Variants in RAP1GAP2 observed in about 807,000 individuals in gnomAD.
RAP1GAP2 encodes RAP1 GTPase activating protein 2, also known as rap1 GTPase-activating protein 2.
In RAP1GAP2, 27 loss-of-function variants were observed where a neutral mutation model predicts 95.0. The observed-to-expected ratio is 0.28, with a 90% CI of 0.21 to 0.39. The LOEUF is 0.39. Among genes scored for constraint, RAP1GAP2 ranks in the 10% least tolerant of loss-of-function variants. The probability of loss-of-function intolerance (pLI) is 1.00; values close to 1 mark genes in which losing one functional copy is unlikely to be tolerated. For missense variants in RAP1GAP2, 771 were observed against 970.0 expected, an observed-to-expected ratio of 0.79 and a Z score of 2.72; for synonymous variants, 373 against 380.9, an observed-to-expected ratio of 0.98 and a Z score of 0.24.
chr17:2,803,766 C>T (rs1367318616), intron 2 of RAP1GAP2, among the ~76,000 whole-genome samples: 1 of 152,130 alleles, frequency 6.6e-6, no homozygotes, highest in Admixed American at 6.5e-5. Flanking sequence ...GTAGCCCCGG[C>T]TACTTGGGAG....
intron 2 of RAP1GAP2, among the ~76,000 whole-genome samples, chr17:2,846,049 A>G (rs532875483): frequency 6.6e-6 from 1 of 150,918 alleles, no homozygotes; most frequent in East Asian, 2.0e-4. Context: ...CGAGCGTGGT[A>G]TTGGGAGCCT....
chr17:2,763,323 A>T (rs1300629329), intron 1 of RAP1GAP2, among the ~76,000 whole-genome samples: 2 of 152,180 alleles, frequency 1.3e-5, no homozygotes, highest in Non-Finnish European at 2.9e-5. Context: ...TGGATCAGAT[A>T]CAGCCTTTGT....
chr17:2,913,195 A>AAAAG (rs138628231), intron 3 of RAP1GAP2, among the ~76,000 whole-genome samples: 16,669 of 151,980 alleles, frequency 0.11, 1,644 homozygotes, highest in East Asian at 0.35. Context: ...AAGAAAAAGA[A>AAAAG]AACATGAAGA....
At chr17:2,950,903 G>C (rs557493385) in intron 3 of RAP1GAP2, among the ~76,000 whole-genome samples, 1 of 151,916 alleles carries the variant, frequency 6.6e-6, no homozygotes. Context: ...GAGCCACCGC[G>C]CCCGGCCTGC....
chr17:2,843,361 C>T (rs2071448346), intron 2 of RAP1GAP2, among the ~76,000 whole-genome samples: 5 of 151,694 alleles, frequency 3.3e-5, no homozygotes, highest in South Asian at 4.2e-4. Flanking sequence ...TCTCGGCTCA[C>T]GGCAACCTCC....
intron 13 of RAP1GAP2, 126 bp from the exon 14 acceptor site, chr17:2,998,095 C>G: frequency 1.8e-6 from 2 of 1,111,852 alleles, no homozygotes; most frequent in South Asian, 2.9e-5. Flanking sequence ...AAAACAACAA[C>G]CACGAACTCT....
At chr17:2,854,226 T>G in intron 2 of RAP1GAP2, 3 of 874,776 alleles carry the variant, frequency 3.4e-6, no homozygotes, top group Non-Finnish European at 4.1e-6. Context: ...CCTCTCCAGG[T>G]ACCGTCGTGC....
At chr17:2,973,220 A>C (rs73296673) in intron 8 of RAP1GAP2, among the ~76,000 whole-genome samples, 2,898 of 152,258 alleles carry the variant, frequency 0.019, 113 homozygotes, top group African/African-American at 0.066. Context: ...TGCACAGTAG[A>C]ATGATCACTC....
chr17:2,962,064 A>G (rs2044358827), intron 4 of RAP1GAP2, among the ~76,000 whole-genome samples: 1 of 151,802 alleles, frequency 6.6e-6, no homozygotes, highest in Non-Finnish European at 1.5e-5. Flanking sequence ...CACCACGCCC[A>G]GCTAATTTTG....
intron 2 of RAP1GAP2, among the ~76,000 whole-genome samples, chr17:2,814,378 G>A (rs1462511398): frequency 6.6e-6 from 1 of 152,138 alleles, no homozygotes; most frequent in Non-Finnish European, 1.5e-5. Context: ...CTGCCCACAG[G>A]GAACATGCCT....
At chr17:3,016,690 A>T (rs1597882082) in intron 17 of RAP1GAP2, among the ~76,000 whole-genome samples, 2 of 152,248 alleles carry the variant, frequency 1.3e-5, no homozygotes, top group South Asian at 2.1e-4. Context: ...TATTAACCGT[A>T]AGAGTAGCCA....
intron 8 of RAP1GAP2, among the ~76,000 whole-genome samples, chr17:2,967,245 C>T (rs2044652372): frequency 6.6e-6 from 1 of 152,042 alleles, no homozygotes; most frequent in Admixed American, 6.6e-5. Flanking sequence ...GTGGCGGGTG[C>T]CTGTAGTCCC....
chr17:2,891,340 T>C (rs1393631686), intron 2 of RAP1GAP2, among the ~76,000 whole-genome samples: 1 of 151,872 alleles, frequency 6.6e-6, no homozygotes, highest in Non-Finnish European at 1.5e-5. Flanking sequence ...ATGGTCTCAC[T>C]ATATTGCCCA....
At chr17:2,807,151 C>A (rs1290029508) in intron 2 of RAP1GAP2, among the ~76,000 whole-genome samples, 1 of 152,244 alleles carries the variant, frequency 6.6e-6, no homozygotes, top group African/African-American at 2.4e-5. Context: ...CCTGCCTCGG[C>A]CTCTCAAAGT....
intron 1 of RAP1GAP2, among the ~76,000 whole-genome samples, chr17:2,762,572 T>G (rs1336797016): frequency 2.0e-5 from 3 of 150,240 alleles, no homozygotes; most frequent in South Asian, 4.2e-4. Context: ...TAATTTTTGT[T>G]TTTTTTTTGG....
intron 3 of RAP1GAP2, among the ~76,000 whole-genome samples, chr17:2,957,545 C>T (rs1345678339): frequency 1.3e-5 from 2 of 152,224 alleles, no homozygotes; most frequent in African/African-American, 4.8e-5. Flanking sequence ...ATTTGCCAGC[C>T]CAGGTGTGCC....
upstream of RAP1GAP2, among the ~76,000 whole-genome samples, chr17:2,795,490 C>A (rs1318923419): frequency 1.3e-5 from 2 of 152,202 alleles, 1 homozygote; most frequent in Non-Finnish European, 2.9e-5. Flanking sequence ...TGCGGTTCAG[C>A]TGGGAAGACA....
chr17:2,933,073 C>T (rs1345992047), intron 3 of RAP1GAP2, among the ~76,000 whole-genome samples: 2 of 152,192 alleles, frequency 1.3e-5, no homozygotes, highest in African/African-American at 2.4e-5. Flanking sequence ...AGCATGGCTG[C>T]GGTTTCCCTC....
At chr17:2,947,748 C>T (rs1233235235) in intron 3 of RAP1GAP2, among the ~76,000 whole-genome samples, 1 of 152,168 alleles carries the variant, frequency 6.6e-6, no homozygotes. Context: ...GCTCGGTGGT[C>T]AGACGACATG....
Sources: gnomAD v4.1 joint callset for allele counts (sites outside exome capture counted in the v4.1 genomes callset) on GRCh38, gnomAD v4.1.1 for gene constraint, MANE v1.5 for transcripts, NCBI Gene and HGNC (gene_info 2026-07-23, HGNC 2026-07-21) for gene names.